The following TAF4B variants were observed in gnomAD, a reference collection of about 807,000 sequenced individuals.
The protein encoded by TAF4B is TATA-box binding protein associated factor 4b.
TAF4B carries 38 observed loss-of-function variants against 86.4 expected under a neutral mutation model. That is an observed-to-expected ratio of 0.44 (90% CI 0.34 to 0.58). The LOEUF (loss-of-function observed/expected upper bound fraction) is 0.58. Ranked by LOEUF, TAF4B falls within the 20% of genes least tolerant of loss-of-function variation. TAF4B has a pLI of 0.02. For missense variants in TAF4B, 988 were observed against 1,027.6 expected, an observed-to-expected ratio of 0.96 and a Z score of 0.53; for synonymous variants, 388 against 391.2, an observed-to-expected ratio of 0.99 and a Z score of 0.10.
chr18:26,274,613 T>C (rs773148528), intron 3 of TAF4B, 50 bp from the exon 4 acceptor site: 3 of 1,593,990 alleles, frequency 1.9e-6, no homozygotes, highest in Non-Finnish European at 2.6e-6. Flanking sequence ...AGGCACCCAC[T>C]AATGTATCAT....
intron 1 of TAF4B, among the ~76,000 whole-genome samples, chr18:26,247,904 G>T (rs2055950186): frequency 6.6e-6 from 1 of 150,406 alleles, no homozygotes; most frequent in African/African-American, 2.4e-5. Context: ...TTGAGACAGG[G>T]TCTTGCTGTC....
chr18:26,246,100 ATACT>A (rs1358276311), intron 1 of TAF4B, among the ~76,000 whole-genome samples: 1 of 152,220 alleles, frequency 6.6e-6, no homozygotes, highest in East Asian at 1.9e-4. Flanking sequence ...AACAGTATTA[ATACT>A]TAATTTTAGA....
chr18:26,331,459 T>C (rs1210698396), intron 12 of TAF4B, among the ~76,000 whole-genome samples: 1 of 151,790 alleles, frequency 6.6e-6, no homozygotes, highest in African/African-American at 2.4e-5. Context: ...AAATCTGGAC[T>C]CATACCATTA....
At chr18:26,358,846 A>G (rs529036812) in intron 14 of TAF4B, among the ~76,000 whole-genome samples, 5 of 152,358 alleles carry the variant, frequency 3.3e-5, no homozygotes, top group South Asian at 2.1e-4. Flanking sequence ...ATACTTCTCT[A>G]TAGAATTTAA....
At chr18:26,227,507 G>A (rs4800730) in intron 1 of TAF4B, among the ~76,000 whole-genome samples, 10,107 of 152,178 alleles carry the variant, frequency 0.066, 625 homozygotes, top group African/African-American at 0.15. Context: ...CAGCGTATTC[G>A]GGGGGGCTTT....
Position 26,252,662 on chromosome 18 carries a change from C to T in TAF4B, c.344-12508C>T, listed in dbSNP as rs537664508. On this transcript the variant is annotated intron_variant, in intron 1 of 14. Coordinates refer to ENST00000269142, the MANE Select transcript of TAF4B (RefSeq NM_005640.3). ...TACCTACCTATTAGTTACTTAGTAGCCCTCTTGACTGTTATAGTACACAGT... is the reference window on the plus strand; with the variant it reads ...TACCTACCTATTAGTTACTTAGTAGTCCTCTTGACTGTTATAGTACACAGT... 4.6e-5 allele frequency among the ~76,000 whole-genome samples: 7 copies of T among 152,116 alleles called. No individual in the cohort carries two copies. The South Asian group carries it at 1.2e-3, about 27-fold the overall frequency.
intron 9 of TAF4B, 78 bp from the exon 10 acceptor site, chr18:26,315,151 T>TCACACACACACA (rs1568148047): frequency 2.2e-6 from 1 of 453,178 alleles, no homozygotes; most frequent in Non-Finnish European, 3.2e-6. Context: ...TCTCTGTCTC[T>TCACACACACACA]CTCTCTCTCT....
chr18:26,250,817 A>G (rs548727524), intron 1 of TAF4B, among the ~76,000 whole-genome samples: 1 of 152,254 alleles, frequency 6.6e-6, no homozygotes, highest in Non-Finnish European at 1.5e-5. Context: ...CTAACAACCT[A>G]TCCTTAAAAA....
chr18:26,310,014 G>A (rs527283747), intron 9 of TAF4B, among the ~76,000 whole-genome samples: 11 of 152,000 alleles, frequency 7.2e-5, no homozygotes, highest in Non-Finnish European at 1.6e-4. Context: ...GTAGAGATGG[G>A]GTTTCACCAT....
In TAF4B at chr18:26,231,758, T is replaced by C. The variant is rs192376937; in HGVS notation, c.343+4482T>C. On this transcript the variant is annotated intron_variant, in intron 1 of 14. Coordinates refer to ENST00000269142, the MANE Select transcript of TAF4B (RefSeq NM_005640.3). ...GCCGTGACCTTGGCGGTGAGTGTTA[T>C]AGCTCTTAAAGATGGCACAGACCCA... Among the ~76,000 whole-genome samples the C allele has an allele frequency of 1.3e-3, 198 of 152,240 alleles. 1 individual carries two copies. Among genetic ancestry groups the C allele is most frequent in the Non-Finnish European group, 1.5e-3 (104 of 68,020 alleles).
At chr18:26,253,872 T>C (rs981541881) in intron 1 of TAF4B, among the ~76,000 whole-genome samples, 1 of 152,106 alleles carries the variant, frequency 6.6e-6, no homozygotes, top group East Asian at 1.9e-4. Context: ...TCTTCCCTTA[T>C]AATCCTTATT....
intron 7 of TAF4B, among the ~76,000 whole-genome samples, chr18:26,289,961 T>C (rs977020796): frequency 6.6e-6 from 1 of 152,164 alleles, no homozygotes; most frequent in Non-Finnish European, 1.5e-5. Flanking sequence ...AATAAAACTG[T>C]GTTATATTTT....
At chr18:26,344,626 A>G (rs1185007169) in intron 13 of TAF4B, among the ~76,000 whole-genome samples, 1 of 152,242 alleles carries the variant, frequency 6.6e-6, no homozygotes, top group East Asian at 1.9e-4. Context: ...AAAGCACAAC[A>G]GAAATGGAAA....
intron 9 of TAF4B, among the ~76,000 whole-genome samples, chr18:26,298,413 T>G (rs969611187): frequency 1.3e-5 from 2 of 152,066 alleles, no homozygotes; most frequent in Non-Finnish European, 2.9e-5. Flanking sequence ...TTTGTATTTT[T>G]AGTAGAGACG....
At chr18:26,382,394 C>T (rs963840850) in intron 14 of TAF4B, among the ~76,000 whole-genome samples, 1 of 152,088 alleles carries the variant, frequency 6.6e-6, no homozygotes, top group Non-Finnish European at 1.5e-5. Context: ...GTTTATTTGG[C>T]TTTTTGCTGT....
chr18:26,376,370 T>G (rs1157621325), intron 14 of TAF4B, among the ~76,000 whole-genome samples: 2 of 152,130 alleles, frequency 1.3e-5, no homozygotes, highest in African/African-American at 4.8e-5. Flanking sequence ...GTTTATAGTT[T>G]TCAGTGAACA....
intron 1 of TAF4B, chr18:26,255,915 ATC>A: frequency 8.1e-7 from 1 of 1,233,708 alleles, no homozygotes; most frequent in Non-Finnish European, 1.2e-6. Context: ...ACCAGAAGCC[ATC>A]TCTGTATCTG....
In TAF4B at chr18:26,256,944, G is replaced by A. The variant is rs550378017; in HGVS notation, c.344-8226G>A. Among the ~76,000 whole-genome samples, 49 of 151,812 alleles carry A rather than the reference G, an allele frequency of 3.2e-4. 2 individuals carry two copies. The highest frequency in any genetic ancestry group is 1.2e-3 in the African/African-American group (49 of 41,410). On this transcript the variant is annotated intron_variant, in intron 1 of 14. Coordinates refer to ENST00000269142, the MANE Select transcript of TAF4B (RefSeq NM_005640.3). Reference sequence around the variant, plus strand: ...GCCATTACTTTCAATGGCGAAAACCGTGATTACTTTTGCACCAACCTAATA... The same window carrying A: ...GCCATTACTTTCAATGGCGAAAACCATGATTACTTTTGCACCAACCTAATA...
intron 14 of TAF4B, among the ~76,000 whole-genome samples, chr18:26,367,212 T>C (rs1446556354): frequency 6.6e-6 from 1 of 152,198 alleles, no homozygotes; most frequent in East Asian, 1.9e-4. Context: ...GCTGACATGA[T>C]TATGGAATCT....
Sources: allele counts gnomAD v4.1 joint callset (sites outside exome capture counted in the v4.1 genomes callset), GRCh38; gene constraint gnomAD v4.1.1; transcripts MANE v1.5; gene names NCBI Gene and HGNC (gene_info 2026-07-23, HGNC 2026-07-21).